The following KALRN variants were observed in gnomAD, a reference collection of about 807,000 sequenced individuals.
KALRN encodes the protein kalirin.
A neutral mutation model predicts 353.7 loss-of-function variants in KALRN; 70 were observed. The ratio of observed to expected loss-of-function variants is 0.20; its 90% CI spans 0.16 to 0.24. The LOEUF (loss-of-function observed/expected upper bound fraction) is 0.24. KALRN is among the 10% of genes least tolerant of loss of function. The pLI, the probability that KALRN is intolerant of heterozygous loss-of-function variation, is 1.00. For synonymous variants in KALRN, 1,391 were observed against 1,434.8 expected, an observed-to-expected ratio of 0.97 and a Z score of 0.69; for missense variants, 2,791 against 3,756.7, an observed-to-expected ratio of 0.74 and a Z score of 6.72.
intron 1 of KALRN, among the ~76,000 whole-genome samples, chr3:124,190,699 T>G (rs1298285421): frequency 1.3e-5 from 2 of 152,194 alleles, no homozygotes. Context: ...TGTCTGTAGT[T>G]ACAGTAGAGA....
chr3:124,609,860 G>C (rs2077739459), intron 34 of KALRN, among the ~76,000 whole-genome samples: 1 of 152,182 alleles, frequency 6.6e-6, no homozygotes, highest in Non-Finnish European at 1.5e-5. Flanking sequence ...TTATAGATGA[G>C]TAAACTGAGG....
intron 34 of KALRN, among the ~76,000 whole-genome samples, chr3:124,617,674 C>T (rs68174494): frequency 0.24 from 35,852 of 152,028 alleles, 4,412 homozygotes; most frequent in Middle Eastern, 0.29. Flanking sequence ...TGTTAAAACA[C>T]AGGATACTAA....
intron 1 of KALRN, among the ~76,000 whole-genome samples, chr3:124,071,347 G>A (rs756218657): frequency 8.5e-5 from 13 of 152,126 alleles, no homozygotes; most frequent in South Asian, 4.1e-4. Context: ...CGTTTATAGC[G>A]CGAAAACATA....
chr3:124,298,717 C>T, intron 5 of KALRN, 74 bp from the exon 6 acceptor site: 1 of 1,545,744 alleles, frequency 6.5e-7, no homozygotes, highest in Non-Finnish European at 8.9e-7. Context: ...TTTCCCCTTC[C>T]ACTAGCTCTG....
At chr3:124,220,445 G>A (rs939853151) in intron 1 of KALRN, among the ~76,000 whole-genome samples, 4 of 150,944 alleles carry the variant, frequency 2.6e-5, no homozygotes, top group Non-Finnish European at 5.9e-5. Flanking sequence ...TTTATCTCTT[G>A]CTCTTACCCC....
At chr3:124,298,605 A>G (rs1175699305) in intron 5 of KALRN, among the ~76,000 whole-genome samples, 186 bp from the exon 6 acceptor site, 1 of 152,166 alleles carries the variant, frequency 6.6e-6, no homozygotes, top group Non-Finnish European at 1.5e-5. Flanking sequence ...TCTTACGCTA[A>G]AAGTGAGGGC....
intron 33 of KALRN, among the ~76,000 whole-genome samples, chr3:124,551,392 G>A (rs1030519607): frequency 3.3e-5 from 5 of 152,214 alleles, no homozygotes; most frequent in African/African-American, 1.2e-4. Flanking sequence ...GCTTTAAGAT[G>A]CTGGGAACCC....
At chr3:124,468,450 C>G (rs887357540) in intron 25 of KALRN, among the ~76,000 whole-genome samples, 2 of 152,178 alleles carry the variant, frequency 1.3e-5, no homozygotes, top group African/African-American at 4.8e-5. Context: ...TGTCAGGCTG[C>G]TGCTACCTTT....
intron 11 of KALRN, among the ~76,000 whole-genome samples, chr3:124,389,695 G>A (rs2089026463): frequency 6.6e-6 from 1 of 152,192 alleles, no homozygotes; most frequent in African/African-American, 2.4e-5. Context: ...ATGAGGAAGA[G>A]CTTGTGGTAT....
intron 10 of KALRN, among the ~76,000 whole-genome samples, chr3:124,362,712 G>A (rs901877000): frequency 1.3e-5 from 2 of 152,216 alleles, no homozygotes; most frequent in African/African-American, 4.8e-5. Context: ...GTGGACTTTG[G>A]CTCATCACCT....
chr3:124,126,498 C>G (rs928182318), intron 1 of KALRN, among the ~76,000 whole-genome samples: 51 of 152,144 alleles, frequency 3.4e-4, no homozygotes, highest in African/African-American at 1.2e-3. Flanking sequence ...AGGACATCCC[C>G]TGGCCACTCT....
At chr3:124,135,054 A>C (rs2065764201) in intron 1 of KALRN, among the ~76,000 whole-genome samples, 1 of 152,218 alleles carries the variant, frequency 6.6e-6, no homozygotes, top group African/African-American at 2.4e-5. Flanking sequence ...AGAAGTCATT[A>C]CTTGAAAAAG....
chr3:124,467,879 G>A (rs1301489316), intron 25 of KALRN, among the ~76,000 whole-genome samples: 3 of 152,106 alleles, frequency 2.0e-5, no homozygotes, highest in Non-Finnish European at 4.4e-5. Context: ...AAGGAGAAAG[G>A]AAGAGATAGA....
chr3:124,082,967 T>C (rs1286013921), intron 1 of KALRN, among the ~76,000 whole-genome samples: 2 of 152,236 alleles, frequency 1.3e-5, no homozygotes, highest in Non-Finnish European at 2.9e-5. Flanking sequence ...GAGCACCCCT[T>C]CCTTCTGGTA....
chr3:124,257,119 AGTT>A (rs1367767459), intron 3 of KALRN, among the ~76,000 whole-genome samples: 5 of 152,334 alleles, frequency 3.3e-5, no homozygotes, highest in Admixed American at 2.0e-4. Context: ...TGTATGGTGT[AGTT>A]GTTGTTCACC....
chr3:124,588,950 G>A (rs1363223151), intron 34 of KALRN, among the ~76,000 whole-genome samples: 1 of 152,214 alleles, frequency 6.6e-6, no homozygotes, highest in African/African-American at 2.4e-5. Context: ...GGTAAAGAGA[G>A]GAAGGAGGTG....
rs374267948 is a variant in KALRN at position 124,683,550 on chromosome 3, C to T, written c.7377+4033C>T. Among the ~76,000 whole-genome samples the T allele has an allele frequency of 4.3e-4, 65 of 152,350 alleles. 1 individual carries two copies. The South Asian group carries it at 0.013, about 31-fold the overall frequency. On this transcript the variant is annotated intron_variant, in intron 51 of 59. Coordinates refer to ENST00000682506, the MANE Select transcript of KALRN (RefSeq NM_001388419.1). Reference sequence around the variant, plus strand: ...AAGGATTCTCAGCCCAGTTTTTACACCAAGCTCAAGTAATTACATGCATTT... The same window carrying T: ...AAGGATTCTCAGCCCAGTTTTTACATCAAGCTCAAGTAATTACATGCATTT...
At chr3:124,425,543 C>T (rs1421057924) in intron 15 of KALRN, among the ~76,000 whole-genome samples, 1 of 152,196 alleles carries the variant, frequency 6.6e-6, no homozygotes, top group African/African-American at 2.4e-5. Context: ...AGGGCTCCAG[C>T]AGGTCATCAA....
At chr3:124,136,493 C>T (rs1329792929) in intron 1 of KALRN, among the ~76,000 whole-genome samples, 2 of 152,092 alleles carry the variant, frequency 1.3e-5, no homozygotes, top group East Asian at 1.9e-4. Flanking sequence ...CCAAGGTCCC[C>T]CCCCCATTGA....
Sources: gnomAD v4.1 joint callset for allele counts (sites outside exome capture counted in the v4.1 genomes callset) on GRCh38, gnomAD v4.1.1 for gene constraint, MANE v1.5 for transcripts, NCBI Gene and HGNC (gene_info 2026-07-23, HGNC 2026-07-21) for gene names.